SEPTIN12: variants seen among roughly 807,000 people sequenced by gnomAD.
The protein encoded by SEPTIN12 is septin-12.
In SEPTIN12, 42 loss-of-function variants were observed where a neutral mutation model predicts 37.7. The ratio of observed to expected loss-of-function variants is 1.11; its 90% CI spans 0.87 to 1.44. SEPTIN12 has a LOEUF of 1.44. Among genes scored for constraint, SEPTIN12 ranks in the 40% most tolerant of loss-of-function variants. The pLI is 0.00. For synonymous variants in SEPTIN12, 254 were observed against 196.7 expected, an observed-to-expected ratio of 1.29 and a Z score of -2.44; for missense variants, 613 against 479.2, an observed-to-expected ratio of 1.28 and a Z score of -2.61.
chr16:4,791,480 A>T (rs2082550205), upstream of SEPTIN12, among the ~76,000 whole-genome samples: 2 of 152,112 alleles, frequency 1.3e-5, no homozygotes, highest in Admixed American at 1.3e-4. Flanking sequence ...CACTGGGAGG[A>T]GGTGGATACT....
In SEPTIN12 at chr16:4,783,491, T is replaced by C. The variant is rs1596254196; in HGVS notation, c.697A>G (p.Asn233Asp). The change falls in exon 7 of 10, where the codon AAT (asparagine) becomes GAT (aspartate). Residue 233 changes from asparagine to aspartate, a missense_variant. By Grantham distance (23) the Asn-to-Asp change is conservative. Transcript: ENST00000268231. The stretch of plus-strand genomic sequence containing the variant: ...AACTTGCTGTTGAGGATTTTGTCAT[T>C]GATGTCCTCGTCAAAGCACATCTGG... ...YPQMCFDEDI[N>D]DKILNSKLRD... 5 of 1,614,130 alleles carry C rather than the reference T, an allele frequency of 3.1e-6. No individual in the cohort carries two copies. Among genetic ancestry groups the C allele is most frequent in the Non-Finnish European group, 4.2e-6 (5 of 1,180,010 alleles).
rs1292498227 is a variant in SEPTIN12, at chr16:4,778,096, G to A, written c.865C>T (p.Leu289=). The part of the protein sequence containing the change: ...AHCEFPLLRD[L]LIRSHLQDLK... ...TCCCCACACCCTCACCGGATAAGCA[G>A]GTCTCTCAGGAGAGGAAATTCACAG... Residue 289 remains leucine, a synonymous_variant, in exon 9 of 10, where the codon CTG becomes TTG. Coordinates refer to ENST00000268231, the MANE Select transcript of SEPTIN12 (RefSeq NM_144605.5). 1.9e-6 allele frequency: 3 copies of A among 1,614,024 alleles called. No homozygotes were observed. The highest frequency in any genetic ancestry group is 2.7e-5 in the African/African-American group (2 of 74,928).
chr16:4,782,298 AGG>A (rs1353979389), intron 7 of SEPTIN12, among the ~76,000 whole-genome samples: 4 of 152,128 alleles, frequency 2.6e-5, no homozygotes, highest in Admixed American at 2.0e-4. Context: ...TTCATGGTTA[AGG>A]GATAGTCCAT....
chr16:4,784,061 G>A lies in SEPTIN12; in HGVS notation c.382C>T (p.Pro128Ser). Residue 128 changes from proline to serine, a missense_variant, in exon 5 of 10, where the codon CCC (proline) becomes TCC (serine). Pro to Ser is a moderately conservative substitution (Grantham distance 74). Transcript: ENST00000268231. ...DQINNDNCWD[P>S]ILGYINEQYE... ...TGCTCGTTGATGTAGCCCAGGATGG[G>A]GTCCCAGCTGAGGCGGGAGGTGGAC... The A allele has an allele frequency of 1.2e-6, 2 of 1,614,048 alleles. No homozygotes were observed. The highest frequency in any genetic ancestry group is 2.2e-5 in the East Asian group (1 of 44,868).
intron 6 of SEPTIN12, 32 bp from the exon 7 acceptor site, chr16:4,783,589 C>T (rs761252548): frequency 1.9e-6 from 3 of 1,612,226 alleles, no homozygotes; most frequent in African/African-American, 2.7e-5. Flanking sequence ...CCTCAGCCCA[C>T]CCTGCCCACT....
chr16:4,777,941 G>A lies in SEPTIN12; in HGVS notation c.933C>T (p.Arg311=), dbSNP rs577916873. 2.4e-5 allele frequency: 38 copies of A among 1,609,272 alleles called. No individual in the cohort carries two copies. The East Asian group carries it at 5.6e-4, about 24-fold the overall frequency. The stretch of plus-strand genomic sequence containing the variant: ...GGTGGCTTTCATTGAGTCTGATGAC[G>A]CGGTAGTTCTCATAGTGGATGTTGT... ...ITHNIHYENY[R]VIRLNESHLL... The change falls in exon 10 of 10, where the codon CGC becomes CGT. Residue 311 remains arginine, a synonymous_variant. Transcript: ENST00000268231.
intron 4 of SEPTIN12, among the ~76,000 whole-genome samples, chr16:4,785,532 G>A (rs750881546): frequency 5.9e-5 from 9 of 152,056 alleles, no homozygotes; most frequent in Non-Finnish European, 1.3e-4. Context: ...CCAGCACTTT[G>A]GGAGGCCGAG....
rs1491346651 is a variant in SEPTIN12 at position 4,787,634 on chromosome 16, CAG to C, written c.10_11del (p.Leu4GlufsTer29). 1.6e-5 allele frequency: 26 copies of C among 1,587,296 alleles called. No homozygotes were observed. The African/African-American group carries it at 1.9e-4, about 11-fold the overall frequency. Reference protein sequence around the residue: MDPLRRSPSPCLSS... With the variant: MDPXRRSPSPCLSS... ...ACAGGCAGGGAGAGGGGGAGCGCCT[CAG>C]GGGGTCCATGGGGGCCAAGGGTTCG... On this transcript the variant is annotated frameshift_variant, in exon 2 of 10. Coordinates refer to ENST00000268231, the MANE Select transcript of SEPTIN12 (RefSeq NM_144605.5). LOFTEE classifies it high-confidence loss of function.
At chr16:4,787,889 G>A (rs1426195284) in intron 1 of SEPTIN12, 11 of 504,614 alleles carry the variant, frequency 2.2e-5, no homozygotes, top group South Asian at 4.6e-5. Flanking sequence ...GAGAGGCTCC[G>A]CTGCCCAAGG....
upstream of SEPTIN12, among the ~76,000 whole-genome samples, chr16:4,790,574 G>A (rs1290268271): frequency 1.3e-5 from 2 of 152,188 alleles, no homozygotes; most frequent in Admixed American, 6.5e-5. Context: ...CAGATCACTT[G>A]AGGTCCGGTT....
upstream of SEPTIN12, chr16:4,788,721 C>T (rs1205032367): frequency 2.6e-5 from 4 of 152,208 alleles, no homozygotes; most frequent in Admixed American, 6.5e-5. Context: ...CACATGGCAT[C>T]GTTCTAGGAG....
intron 4 of SEPTIN12, 200 bp downstream of exon 4, chr16:4,785,607 C>T: frequency 1.8e-6 from 1 of 552,070 alleles, no homozygotes; most frequent in Non-Finnish European, 3.3e-6. Context: ...AACCCCATCT[C>T]AACTAAAAAT....
chr16:4,779,906 G>A, intron 7 of SEPTIN12, 120 bp from the exon 8 acceptor site: 1 of 705,890 alleles, frequency 1.4e-6, no homozygotes. Flanking sequence ...GAACATGGTA[G>A]AAAGTGCACA....
intron 8 of SEPTIN12, 112 bp downstream of exon 8, chr16:4,779,578 G>T (rs1454901065): frequency 1.3e-6 from 1 of 760,902 alleles, no homozygotes; most frequent in Non-Finnish European, 2.3e-6. Context: ...AGGGCTCTTT[G>T]TCTAGTGGGC....
rs748471834 is a variant in SEPTIN12, at chr16:4,783,760, C to A, written c.519G>T (p.Arg173=). The A allele has an allele frequency of 6.2e-7, 1 of 1,613,644 alleles. No individual in the cohort carries two copies. The highest frequency in any genetic ancestry group is 8.5e-7 in the Non-Finnish European group (1 of 1,179,848). ...GCTGCAGGAACTCAATGTCCAGGGG[C>A]CGCAGGCTGCCGGAGGCAGGGCAGT... The part of the protein sequence containing the change: ...YFVPPTGHCL[R]PLDIEFLQRL... Residue 173 remains arginine (R), a synonymous_variant, in exon 6 of 10, where the codon CGG becomes CGT. Coordinates refer to ENST00000268231, the MANE Select transcript of SEPTIN12 (RefSeq NM_144605.5).
chr16:4,780,930 G>T (rs1301032575), intron 7 of SEPTIN12, among the ~76,000 whole-genome samples: 1 of 151,912 alleles, frequency 6.6e-6, no homozygotes, highest in African/African-American at 2.4e-5. Context: ...TGTGAACGGA[G>T]ATCCTGCCAC....
chr16:4,791,328 G>C (rs1010952000), upstream of SEPTIN12, among the ~76,000 whole-genome samples: 2 of 152,168 alleles, frequency 1.3e-5, no homozygotes, highest in Non-Finnish European at 2.9e-5. Context: ...GCGTGACTAT[G>C]GTGGAAGAGG....
At chr16:4,778,423 G>C (rs1356804472) in intron 8 of SEPTIN12, among the ~76,000 whole-genome samples, 2 of 152,212 alleles carry the variant, frequency 1.3e-5, no homozygotes, top group African/African-American at 2.4e-5. Context: ...TGTAGGACTT[G>C]AGCATCTGCC....
At position 4,779,704 on chromosome 16, in the gene SEPTIN12, C is replaced by T. The variant is rs1465809110; in HGVS notation, c.809G>A (p.Trp270Ter). The T allele has an allele frequency of 6.2e-7, 1 of 1,612,180 alleles. No homozygotes were observed. Among genetic ancestry groups the T allele is most frequent in the South Asian group, 1.1e-5 (1 of 91,044 alleles). Residue 270 changes from tryptophan (W) to a stop codon, truncating the protein, a stop_gained, in exon 8 of 10, where the codon TGG (tryptophan) becomes TAG (stop). Transcript: ENST00000268231. LOFTEE classifies it high-confidence loss of function. ...GRCVLGRKTKWGIIEVENMAH... is the reference protein window; with the variant it reads ...GRCVLGRKTK ...CCCGCACTGACCTTCAATGATGCCC[C>T]ACTTGGTCTTCCGGCCCAGGACACA...
Sources: gnomAD v4.1 joint callset for allele counts (sites outside exome capture counted in the v4.1 genomes callset) on GRCh38, gnomAD v4.1.1 for gene constraint, MANE v1.5 for transcripts, NCBI Gene and HGNC (gene_info 2026-07-23, HGNC 2026-07-21) for gene names.